Variants in ZEB1 observed in about 807,000 individuals in gnomAD.
ZEB1 encodes the protein zinc finger E-box binding homeobox 1.
Under a neutral mutation model 84.9 loss-of-function variants are expected in ZEB1, and 21 were observed. That is an observed-to-expected ratio of 0.25 (90% CI 0.18 to 0.36). The LOEUF is 0.36. Among genes scored for constraint, ZEB1 ranks in the 10% least tolerant of loss-of-function variants. ZEB1 has a pLI of 1.00. For synonymous variants in ZEB1, 420 were observed against 471.1 expected (o/e 0.89, Z 1.41); for missense variants, 1,104 against 1,330.2 (o/e 0.83, Z 2.65).
In ZEB1 at chr10:31,382,008, A is replaced by G. The variant is rs999909686; in HGVS notation, c.58+62716A>G. On this transcript the variant is annotated intron_variant, in intron 1 of 8. Coordinates refer to ENST00000424869, the MANE Select transcript of ZEB1 (RefSeq NM_001174096.2). ...ACTGGGCGACAGTGAGACTGTCTCA[A>G]AAAAAAAAAAAAAAAAAAAAAAAAA... 3.6e-5 allele frequency among the ~76,000 whole-genome samples: 4 copies of G among 109,864 alleles called. No individual in the cohort carries two copies. The East Asian group carries it at 9.3e-4, about 26-fold the overall frequency. The allele number at this position is 109,864 out of a possible 152,430, so 72.1% of individuals were successfully genotyped here.
chr10:31,442,790 A>G (rs60585493), intron 1 of ZEB1, among the ~76,000 whole-genome samples: 1 of 152,186 alleles, frequency 6.6e-6, no homozygotes, highest in African/African-American at 2.4e-5. Context: ...GTAATGAATT[A>G]TGTCAAATGC....
At chr10:31,386,864 T>C (rs2048723784) in intron 1 of ZEB1, among the ~76,000 whole-genome samples, 1 of 152,200 alleles carries the variant, frequency 6.6e-6, no homozygotes, top group Non-Finnish European at 1.5e-5. Flanking sequence ...AGTTTTTCTG[T>C]ATTTTTTCAA....
chr10:31,493,562 C>G (rs1197688930), intron 2 of ZEB1, among the ~76,000 whole-genome samples: 1 of 151,914 alleles, frequency 6.6e-6, no homozygotes, highest in Non-Finnish European at 1.5e-5. Flanking sequence ...ACTTTACTCC[C>G]CTTTTAATTC....
chr10:31,365,049 C>T (rs1413862806), intron 1 of ZEB1, among the ~76,000 whole-genome samples: 1 of 152,148 alleles, frequency 6.6e-6, no homozygotes, highest in Non-Finnish European at 1.5e-5. Flanking sequence ...TCTTTCTCGT[C>T]TGATGGGAAG....
At chr10:31,420,738 G>T (rs949556014) in intron 1 of ZEB1, among the ~76,000 whole-genome samples, 1 of 152,124 alleles carries the variant, frequency 6.6e-6, no homozygotes, top group African/African-American at 2.4e-5. Flanking sequence ...AGAAGACCAT[G>T]GATCATTGGA....
chr10:31,429,390 T>G (rs2136213642), intron 1 of ZEB1, among the ~76,000 whole-genome samples: 1 of 152,296 alleles, frequency 6.6e-6, no homozygotes, highest in Middle Eastern at 3.4e-3. Context: ...ACTCCCAATC[T>G]CTTCTGGCTT....
intron 1 of ZEB1, among the ~76,000 whole-genome samples, chr10:31,324,776 A>G (rs1372177347): frequency 1.3e-5 from 2 of 152,092 alleles, no homozygotes; most frequent in Non-Finnish European, 2.9e-5. Flanking sequence ...ATATGATAAA[A>G]TGATTTTTTA....
intron 1 of ZEB1, chr10:31,363,366 A>G (rs995057301): frequency 6.5e-7 from 1 of 1,534,370 alleles, no homozygotes; most frequent in Non-Finnish European, 8.7e-7. Flanking sequence ...AACTCACTGC[A>G]TGCACCTGGG....
At chr10:31,324,544 T>G (rs2035016729) in intron 1 of ZEB1, among the ~76,000 whole-genome samples, 1 of 152,010 alleles carries the variant, frequency 6.6e-6, no homozygotes, top group Admixed American at 6.6e-5. Context: ...ATCATGCAGA[T>G]GTTGGAAGAA....
chr10:31,451,494 C>G (rs1035817385), intron 1 of ZEB1, among the ~76,000 whole-genome samples: 1 of 152,072 alleles, frequency 6.6e-6, no homozygotes, highest in Non-Finnish European at 1.5e-5. Flanking sequence ...CGTCATACTA[C>G]CTATCTTCCA....
chr10:31,379,431 GTCTC>G (rs994551359), intron 1 of ZEB1, among the ~76,000 whole-genome samples: 7 of 149,928 alleles, frequency 4.7e-5, no homozygotes, highest in South Asian at 4.2e-4. Context: ...CTGTCTGTCT[GTCTC>G]TCTCTCTGTG....
At chr10:31,512,025 G>A (rs988451996) in intron 5 of ZEB1, among the ~76,000 whole-genome samples, 7 of 152,128 alleles carry the variant, frequency 4.6e-5, no homozygotes, top group African/African-American at 1.4e-4. Flanking sequence ...AGAGAAGGAC[G>A]AAATTAATAC....
intron 1 of ZEB1, among the ~76,000 whole-genome samples, chr10:31,394,732 T>C (rs2050380670): frequency 6.6e-6 from 1 of 152,232 alleles, no homozygotes; most frequent in African/African-American, 2.4e-5. Flanking sequence ...TGTATAATGT[T>C]CCGTCATATG....
intron 2 of ZEB1, among the ~76,000 whole-genome samples, chr10:31,467,735 C>T (rs924036156): frequency 2.6e-5 from 4 of 152,092 alleles, no homozygotes; most frequent in Middle Eastern, 6.3e-3. Flanking sequence ...GGGAGGAACC[C>T]CCACTGTCAG....
At chr10:31,464,661 C>G (rs1044539692) in intron 2 of ZEB1, among the ~76,000 whole-genome samples, 1 of 152,172 alleles carries the variant, frequency 6.6e-6, no homozygotes. Flanking sequence ...AAGTTGCAGA[C>G]TCCATAAGAC....
chr10:31,387,702 A>G (rs1165059578), intron 1 of ZEB1: 1 of 962,318 alleles, frequency 1.0e-6, no homozygotes, highest in East Asian at 1.1e-4. Context: ...TTGAAGCTGT[A>G]TCTTATCTTT....
intron 1 of ZEB1, among the ~76,000 whole-genome samples, chr10:31,434,558 A>G (rs534419351): frequency 3.3e-5 from 5 of 152,310 alleles, no homozygotes; most frequent in Admixed American, 6.5e-5. Flanking sequence ...CATAAAAACA[A>G]TTACCAAATC....
chr10:31,353,546 T>A (rs1227460258), intron 1 of ZEB1, among the ~76,000 whole-genome samples: 2 of 152,228 alleles, frequency 1.3e-5, no homozygotes, highest in Non-Finnish European at 2.9e-5. Context: ...TCCTAAGCCA[T>A]CTTTTTAGGT....
intron 6 of ZEB1, among the ~76,000 whole-genome samples, chr10:31,514,992 G>T (rs2070802595): frequency 6.6e-6 from 1 of 152,022 alleles, no homozygotes; most frequent in South Asian, 2.1e-4. Context: ...GCTTTCTGAT[G>T]AATGTAAATG....
Sources: allele counts gnomAD v4.1 joint callset (sites outside exome capture counted in the v4.1 genomes callset), GRCh38; gene constraint gnomAD v4.1.1; transcripts MANE v1.5; gene names NCBI Gene and HGNC (gene_info 2026-07-23, HGNC 2026-07-21).